Variants in KIF26B observed in about 807,000 individuals in gnomAD.
KIF26B encodes kinesin-like protein KIF26B.
Under a neutral mutation model 151.2 loss-of-function variants are expected in KIF26B, and 63 were observed. The ratio of observed to expected loss-of-function variants is 0.42; its 90% CI spans 0.34 to 0.51. The LOEUF is 0.51. Among genes scored for constraint, KIF26B ranks in the 20% least tolerant of loss-of-function variants. KIF26B has a pLI of 0.07. For synonymous variants in KIF26B, 1,357 were observed against 1,262.1 expected (o/e 1.08, Z -1.59); for missense variants, 2,813 against 2,913.6 (o/e 0.97, Z 0.79).
At chr1:245,441,549 G>C (rs1320810721) in intron 4 of KIF26B, among the ~76,000 whole-genome samples, 1 of 152,022 alleles carries the variant, frequency 6.6e-6, no homozygotes, top group Admixed American at 6.6e-5. Flanking sequence ...GCTCCTGGGA[G>C]GGGAGGGTTC....
In KIF26B at chr1:245,191,878, C is replaced by T. The variant is rs147564225; in HGVS notation, c.465+35195C>T. Reference sequence around the variant, plus strand: ...CATTAGTAATCAAATAAATGCAAATCGAAACAACAGTAAGCTACCATTTTT... The same window carrying T: ...CATTAGTAATCAAATAAATGCAAATTGAAACAACAGTAAGCTACCATTTTT... On this transcript the variant is annotated intron_variant, in intron 2 of 14. Coordinates refer to ENST00000407071, the MANE Select transcript of KIF26B (RefSeq NM_018012.4). Among the ~76,000 whole-genome samples, 54 of 152,182 alleles carry T rather than the reference C, an allele frequency of 3.5e-4. 1 individual carries two copies. In the South Asian group the frequency reaches 8.9e-3, roughly 25 times the overall value.
At chr1:245,517,104 A>G (rs905082825) in intron 4 of KIF26B, among the ~76,000 whole-genome samples, 2 of 152,194 alleles carry the variant, frequency 1.3e-5, no homozygotes, top group African/African-American at 4.8e-5. Flanking sequence ...GGTGGCTCAC[A>G]CCTTTAATCC....
At chr1:245,643,711 G>A (rs2043916806) in intron 9 of KIF26B, among the ~76,000 whole-genome samples, 1 of 151,954 alleles carries the variant, frequency 6.6e-6, no homozygotes, top group South Asian at 2.1e-4. Context: ...AATTCTTTTA[G>A]GATTTTTAAG....
At chr1:245,198,723 T>C (rs1669235305) in intron 2 of KIF26B, among the ~76,000 whole-genome samples, 1 of 144,866 alleles carries the variant, frequency 6.9e-6, no homozygotes, top group South Asian at 2.2e-4. Flanking sequence ...AGAGACTCCG[T>C]CTCAAAAAAA....
intron 10 of KIF26B, among the ~76,000 whole-genome samples, chr1:245,646,761 C>T (rs2043952397): frequency 6.6e-6 from 1 of 152,172 alleles, no homozygotes; most frequent in Non-Finnish European, 1.5e-5. Context: ...ATGGGACGCT[C>T]CTGGTGACAT....
intron 6 of KIF26B, among the ~76,000 whole-genome samples, chr1:245,604,667 T>C (rs2043430890): frequency 1.3e-5 from 2 of 152,178 alleles, no homozygotes; most frequent in African/African-American, 2.4e-5. Flanking sequence ...TTTAGATTTA[T>C]TCCAGAAAAA....
intron 2 of KIF26B, among the ~76,000 whole-genome samples, chr1:245,177,077 C>T (rs1205608658): frequency 6.6e-6 from 1 of 152,212 alleles, no homozygotes; most frequent in Non-Finnish European, 1.5e-5. Context: ...GCCTCAGCCT[C>T]CTGAGTAGCT....
chr1:245,609,585 C>A (rs954552052), intron 8 of KIF26B, 57 bp downstream of exon 8: 1 of 1,439,256 alleles, frequency 6.9e-7, no homozygotes. Flanking sequence ...ACCTCAGAGG[C>A]TGGGGCAGCT....
At chr1:245,669,804 G>C (rs1218611689) in intron 10 of KIF26B, among the ~76,000 whole-genome samples, 1 of 152,100 alleles carries the variant, frequency 6.6e-6, no homozygotes, top group East Asian at 1.9e-4. Context: ...TTGTCACATG[G>C]TCCAGCAATT....
intron 5 of KIF26B, among the ~76,000 whole-genome samples, chr1:245,593,023 G>A (rs1477985310): frequency 6.6e-6 from 1 of 152,088 alleles, no homozygotes; most frequent in Non-Finnish European, 1.5e-5. Flanking sequence ...TCTGGAATAT[G>A]ACTCTTTGGT....
chr1:245,469,073 G>T (rs1015733005), intron 4 of KIF26B, among the ~76,000 whole-genome samples: 19 of 151,760 alleles, frequency 1.3e-4, no homozygotes, highest in African/African-American at 4.6e-4. Context: ...GGGTGGCTCT[G>T]CTAAGAGTCC....
At chr1:245,644,831 T>C (rs1384225221) in intron 9 of KIF26B, among the ~76,000 whole-genome samples, 1 of 152,208 alleles carries the variant, frequency 6.6e-6, no homozygotes, top group African/African-American at 2.4e-5. Flanking sequence ...CCCTTTTGCA[T>C]TGCTGTAAAA....
chr1:245,551,701 G>A (rs1344213693), intron 5 of KIF26B, among the ~76,000 whole-genome samples: 2 of 152,132 alleles, frequency 1.3e-5, no homozygotes, highest in African/African-American at 2.4e-5. Flanking sequence ...AATGGATGCC[G>A]GAAGCCCAGA....
chr1:245,347,112 A>G (rs1219230777), intron 2 of KIF26B, among the ~76,000 whole-genome samples: 2 of 152,144 alleles, frequency 1.3e-5, no homozygotes, highest in East Asian at 3.9e-4. Flanking sequence ...GACTGTTTCC[A>G]GTTTATGACC....
intron 3 of KIF26B, among the ~76,000 whole-genome samples, chr1:245,415,297 T>C (rs1021107209): frequency 6.6e-6 from 1 of 152,180 alleles, no homozygotes; most frequent in Non-Finnish European, 1.5e-5. Flanking sequence ...AGTGCTTCTT[T>C]CATAGCCAGA....
chr1:245,284,427 T>G (rs1308091857), intron 2 of KIF26B, among the ~76,000 whole-genome samples: 1 of 152,164 alleles, frequency 6.6e-6, no homozygotes, highest in African/African-American at 2.4e-5. Context: ...TTTTGGGTTT[T>G]TTTGAAAACG....
chr1:245,685,425 C>A lies in KIF26B; in HGVS notation c.2442C>A (p.Gly814=). 1 of 1,612,080 alleles carries A rather than the reference C, an allele frequency of 6.2e-7. No homozygotes were observed. The highest frequency in any genetic ancestry group is 8.5e-7 in the Non-Finnish European group (1 of 1,178,892). The change falls in exon 12 of 15, where the codon GGC becomes GGA. Residue 814 remains glycine, a synonymous_variant. Transcript: ENST00000407071. ...CACAGTACACATCCAGCTCGTCCGG[C>A]GGGGAGAGCTCCTGCGAAGAAGGCC... ...KKTKYTSSSS[G]GESSCEEGRM...
At chr1:245,534,314 C>T (rs1266590600) in intron 4 of KIF26B, among the ~76,000 whole-genome samples, 1 of 152,116 alleles carries the variant, frequency 6.6e-6, no homozygotes, top group Non-Finnish European at 1.5e-5. Context: ...AGGTGTGCGC[C>T]ACCATGCCCA....
At chr1:245,622,252 AAAAT>A (rs2043672139) in intron 9 of KIF26B, among the ~76,000 whole-genome samples, 2 of 90,884 alleles carry the variant, frequency 2.2e-5, no homozygotes, top group African/African-American at 6.0e-5. Flanking sequence ...GAAGAGAAAC[AAAAT>A]ATAACATCCT....
Sources: allele counts gnomAD v4.1 joint callset (sites outside exome capture counted in the v4.1 genomes callset), GRCh38; gene constraint gnomAD v4.1.1; transcripts MANE v1.5; gene names NCBI Gene and HGNC (gene_info 2026-07-23, HGNC 2026-07-21).